The following CRMP1 variants were observed in gnomAD, a reference collection of about 807,000 sequenced individuals.
The protein encoded by CRMP1 is dihydropyrimidinase-related protein 1.
A neutral mutation model predicts 68.3 loss-of-function variants in CRMP1; 19 were observed. The ratio of observed to expected loss-of-function variants is 0.28; its 90% CI spans 0.19 to 0.41. The LOEUF (loss-of-function observed/expected upper bound fraction) is 0.41. Among genes scored for constraint, CRMP1 ranks in the 10% least tolerant of loss-of-function variants. The pLI, the probability that CRMP1 is intolerant of heterozygous loss-of-function variation, is 1.00. For synonymous variants in CRMP1, 439 were observed against 399.6 expected, an observed-to-expected ratio of 1.10 and a Z score of -1.18; for missense variants, 791 against 967.4, an observed-to-expected ratio of 0.82 and a Z score of 2.42.
chr4:5,835,145 C>T (rs548357833), intron 11 of CRMP1, among the ~76,000 whole-genome samples: 80 of 152,352 alleles, frequency 5.3e-4, no homozygotes, highest in African/African-American at 1.7e-3. Context: ...ATGGGAACAC[C>T]CACTGCAGCT....
At chr4:5,847,439 T>C (rs575711227) in intron 6 of CRMP1, among the ~76,000 whole-genome samples, 1 of 152,300 alleles carries the variant, frequency 6.6e-6, no homozygotes, top group South Asian at 2.1e-4. Flanking sequence ...GTCTCAGATG[T>C]GGCCCTAATA....
At chr4:5,862,875 G>A (rs115562048) in intron 2 of CRMP1, among the ~76,000 whole-genome samples, 2,094 of 152,304 alleles carry the variant, frequency 0.014, 23 homozygotes, top group Non-Finnish European at 0.022. Flanking sequence ...TACAGGTCAT[G>A]GCTCACTGCA....
At chr4:5,835,559 G>A (rs1216891049) in intron 11 of CRMP1, among the ~76,000 whole-genome samples, 2 of 152,208 alleles carry the variant, frequency 1.3e-5, no homozygotes, top group African/African-American at 4.8e-5. Flanking sequence ...TTTCCAGCTT[G>A]ATAATTAAAT....
intron 1 of CRMP1, among the ~76,000 whole-genome samples, chr4:5,873,443 G>T (rs1446158191): frequency 6.6e-6 from 1 of 152,024 alleles, no homozygotes; most frequent in East Asian, 1.9e-4. Flanking sequence ...TGTACAGGAA[G>T]CATGATGCTG....
Position 5,825,574 on chromosome 4 carries a change from GC to G in CRMP1, c.1888del (p.Ala630LeufsTer31). The G allele has an allele frequency of 6.2e-7, 1 of 1,602,330 alleles. No individual in the cohort carries two copies. Among genetic ancestry groups the G allele is most frequent in the Admixed American group, 1.8e-5 (1 of 56,692 alleles). On this transcript the variant is annotated frameshift_variant, in exon 13 of 14. Coordinates refer to ENST00000324989, the MANE Select transcript of CRMP1 (RefSeq NM_001014809.3). LOFTEE classifies it high-confidence loss of function. The surrounding 1 kb of genome is among the most constrained non-coding windows in gnomAD (Gnocchi z 4.4). ...AGAAGGCGAAGATTTGGCTGAAGGA[GC>G]GGGAGTTGCATATTTGGGTGTAGCT... ...VPATPKYATP[A>X]PSAKSSPSKH...
At chr4:5,851,786 CAAG>C (rs1387388288) in intron 4 of CRMP1, among the ~76,000 whole-genome samples, 4 of 120,948 alleles carry the variant, frequency 3.3e-5, no homozygotes, top group East Asian at 2.4e-4. Context: ...AGAAAGAGGA[CAAG>C]GAGGAAGAGG....
rs1453021658 is a variant in CRMP1, at chr4:5,859,511, C to A, written c.655+1515G>T. Among the ~76,000 whole-genome samples, 1 of 152,238 alleles carries A rather than the reference C, an allele frequency of 6.6e-6. No homozygotes were observed. The highest frequency in any genetic ancestry group is 1.5e-5 in the Non-Finnish European group (1 of 68,052). ...TCCCATGCACTACATGAAGGAATCT[C>A]ATGTACGTCTCCAAACCACCCTAGG... On this transcript the variant is annotated intron_variant, in intron 3 of 13. Transcript: ENST00000324989. The surrounding 1 kb of genome is among the most constrained non-coding windows in gnomAD (Gnocchi z 5.2).
chr4:5,862,294 T>C (rs190604490), intron 2 of CRMP1, among the ~76,000 whole-genome samples: 3 of 148,046 alleles, frequency 2.0e-5, no homozygotes, highest in African/African-American at 8.0e-5. Context: ...CCACTGCCAT[T>C]GCTTATAATA....
At chr4:5,869,681 C>CAAAAA (rs33973891) in intron 1 of CRMP1, among the ~76,000 whole-genome samples, 30 of 92,842 alleles carry the variant, frequency 3.2e-4, no homozygotes, top group East Asian at 6.5e-4. Flanking sequence ...AAGACTCCGT[C>CAAAAA]AAAAAAAAAA....
Position 5,865,422 on chromosome 4 carries a change from C to A in CRMP1, c.470+1246G>T, listed in dbSNP as rs1713914917. On this transcript the variant is annotated intron_variant, in intron 2 of 13. Transcript: ENST00000324989. This position sits in a 1 kb window ranked among gnomAD's most constrained non-coding sequence, Gnocchi z 4.1. ...GGATCACGAGGTCAGGAGATCGAGA[C>A]CATCCTGGCCAACATGGTGAAACCC... Among the ~76,000 whole-genome samples, 1 of 152,122 alleles carries A rather than the reference C, an allele frequency of 6.6e-6. No homozygotes were observed. Among genetic ancestry groups the A allele is most frequent in the Admixed American group, 6.5e-5 (1 of 15,284 alleles).
At position 5,841,548 on chromosome 4, in the gene CRMP1, C is replaced by T. The variant is rs1007119324; in HGVS notation, c.1033-120G>A. On this transcript the variant is annotated intron_variant, in intron 7 of 13. Transcript: ENST00000324989. This position sits in a 1 kb window ranked among gnomAD's most constrained non-coding sequence, Gnocchi z 6.9. ...AATCTGCTCCATTGAATGAGAAGGACATACTGAGTCCAACAGCGCTTGACA... is the reference window on the plus strand; with the variant it reads ...AATCTGCTCCATTGAATGAGAAGGATATACTGAGTCCAACAGCGCTTGACA... 5 of 1,491,916 alleles carry T rather than the reference C, an allele frequency of 3.4e-6. No homozygotes were observed. Among genetic ancestry groups the T allele is most frequent in the Middle Eastern group, 1.9e-4 (1 of 5,194 alleles). 92.4% of individuals were successfully genotyped at this position (1,491,916 alleles called of 1,614,324 possible).
At chr4:5,846,322 AAG>A (rs2152461485) in intron 6 of CRMP1, among the ~76,000 whole-genome samples, 1 of 152,276 alleles carries the variant, frequency 6.6e-6, no homozygotes, top group African/African-American at 2.4e-5. Context: ...AATTTTTTTG[AAG>A]AGACATTTCA....
chr4:5,865,038 C>T lies in CRMP1; in HGVS notation c.470+1630G>A, dbSNP rs1039583660. ...TTTGCATATGTGGTCCCTTTCAATG[C>T]CCCCAATACTCCACAGCCCCTTTCC... On this transcript the variant is annotated intron_variant, in intron 2 of 13. Coordinates refer to ENST00000324989, the MANE Select transcript of CRMP1 (RefSeq NM_001014809.3). This position sits in a 1 kb window ranked among gnomAD's most constrained non-coding sequence, Gnocchi z 4.1. 6.6e-6 allele frequency among the ~76,000 whole-genome samples: 1 copy of T among 151,762 alleles called. No individual in the cohort carries two copies. The highest frequency in any genetic ancestry group is 1.5e-5 in the Non-Finnish European group (1 of 67,982).
rs1287230544 is a variant in CRMP1 at position 5,843,906 on chromosome 4, A to G, written c.964-745T>C. Among the ~76,000 whole-genome samples, 4 of 152,240 alleles carry G rather than the reference A, an allele frequency of 2.6e-5. No homozygotes were observed. In the East Asian group the frequency reaches 7.7e-4, roughly 29 times the overall value. Reference sequence around the variant, plus strand: ...ATGGTTCCCTGGGCTGATGGCCTAGATTCAAATCCATCTGGTCCAAAGTTT... The same window carrying G: ...ATGGTTCCCTGGGCTGATGGCCTAGGTTCAAATCCATCTGGTCCAAAGTTT... On this transcript the variant is annotated intron_variant, in intron 6 of 13. Coordinates refer to ENST00000324989, the MANE Select transcript of CRMP1 (RefSeq NM_001014809.3). This position sits in a 1 kb window ranked among gnomAD's most constrained non-coding sequence, Gnocchi z 4.1.
intron 1 of CRMP1, chr4:5,887,882 G>C: frequency 1.1e-6 from 1 of 870,404 alleles, no homozygotes; most frequent in South Asian, 5.4e-5. Flanking sequence ...CGAGGCCTGC[G>C]GGGAGGGGGT....
intron 1 of CRMP1, among the ~76,000 whole-genome samples, chr4:5,869,919 T>A (rs368779592): frequency 6.6e-6 from 1 of 152,100 alleles, no homozygotes; most frequent in African/African-American, 2.4e-5. Context: ...CAAGGCCATC[T>A]GAGGAAGTGC....
At chr4:5,857,273 C>T (rs1442670664) in intron 3 of CRMP1, among the ~76,000 whole-genome samples, 2 of 151,342 alleles carry the variant, frequency 1.3e-5, no homozygotes, top group Non-Finnish European at 3.0e-5. Flanking sequence ...ATCACCCCAT[C>T]ATCATCATCA....
chr4:5,887,819 G>T (rs1311502076), intron 1 of CRMP1: 2 of 994,912 alleles, frequency 2.0e-6, no homozygotes, highest in Non-Finnish European at 2.4e-6. Flanking sequence ...TGCATGGGCC[G>T]GACGGTGCGG....
intron 1 of CRMP1, among the ~76,000 whole-genome samples, chr4:5,882,934 AC>A (rs1715305359): frequency 6.6e-6 from 1 of 152,188 alleles, no homozygotes; most frequent in African/African-American, 2.4e-5. Flanking sequence ...CTTAGAACCC[AC>A]GTGTTATTTC....
Sources: allele counts gnomAD v4.1 joint callset (sites outside exome capture counted in the v4.1 genomes callset), GRCh38; gene constraint gnomAD v4.1.1; non-coding constraint Gnocchi (gnomAD v3.1); transcripts MANE v1.5; gene names NCBI Gene and HGNC (gene_info 2026-07-23, HGNC 2026-07-21).